The following TNIK variants were observed in gnomAD, a reference collection of about 807,000 sequenced individuals.
TNIK encodes TRAF2 and NCK-interacting protein kinase.
A neutral mutation model predicts 191.3 loss-of-function variants in TNIK; 49 were observed. That is an observed-to-expected ratio of 0.26 (90% CI 0.20 to 0.32). TNIK has a LOEUF of 0.32. Ranked by LOEUF, TNIK falls within the 10% of genes least tolerant of loss-of-function variation. The probability of loss-of-function intolerance (pLI) is 1.00; values close to 1 mark genes in which losing one functional copy is unlikely to be tolerated. For synonymous variants in TNIK, 594 were observed against 600.9 expected, an observed-to-expected ratio of 0.99 and a Z score of 0.17; for missense variants, 1,155 against 1,702.3, an observed-to-expected ratio of 0.68 and a Z score of 5.66.
At chr3:171,257,074 A>G (rs1291139886) in intron 2 of TNIK, among the ~76,000 whole-genome samples, 2 of 152,276 alleles carry the variant, frequency 1.3e-5, no homozygotes, top group African/African-American at 4.8e-5. Context: ...GCACAGAAAC[A>G]GGCCGAGAGA....
rs183649165 is a variant in TNIK at position 171,325,543 on chromosome 3, A to G, written c.123+44077T>C. Reference sequence around the variant, plus strand: ...TCTGTTATCTGAAATTCAAATGTTCATTCTTAATTCTAAATTCAACTTAAT... The same window carrying G: ...TCTGTTATCTGAAATTCAAATGTTCGTTCTTAATTCTAAATTCAACTTAAT... On this transcript the variant is annotated intron_variant, in intron 2 of 32. Transcript: ENST00000436636. 2.7e-3 allele frequency among the ~76,000 whole-genome samples: 407 copies of G among 152,292 alleles called. 3 individuals carry two copies. The highest frequency in any genetic ancestry group is 8.4e-3 in the African/African-American group (348 of 41,582).
At chr3:171,442,130 C>G (rs995549512) in intron 1 of TNIK, among the ~76,000 whole-genome samples, 1 of 152,184 alleles carries the variant, frequency 6.6e-6, no homozygotes, top group Non-Finnish European at 1.5e-5. Flanking sequence ...AACAAAATCT[C>G]CACAGGGACA....
rs553324509 is a variant in TNIK at position 171,179,426 on chromosome 3, C to T, written c.640-2046G>A. Among the ~76,000 whole-genome samples, 229 of 152,022 alleles carry T rather than the reference C, an allele frequency of 1.5e-3. 1 individual carries two copies. The highest frequency in any genetic ancestry group is 3.4e-3 in the Middle Eastern group (1 of 294). On this transcript the variant is annotated intron_variant, in intron 7 of 32. Transcript: ENST00000436636. ...GAGCAATAACTGGTAAAGACAAAAA[C>T]GCAGTTCTATTGTACCTGGGTTTTT...
intron 2 of TNIK, among the ~76,000 whole-genome samples, chr3:171,272,236 C>G (rs981210107): frequency 1.3e-5 from 2 of 152,218 alleles, no homozygotes; most frequent in Admixed American, 6.5e-5. Flanking sequence ...TTGGGACTAA[C>G]AAAGTCCTCC....
chr3:171,103,192 ATGCACATTTGCACATT>A lies in TNIK; in HGVS notation c.2407-1575_2407-1560del, dbSNP rs200434745. Among the ~76,000 whole-genome samples, 7 of 152,064 alleles carry A rather than the reference ATGCACATTTGCACATT, an allele frequency of 4.6e-5. No individual in the cohort carries two copies. In the South Asian group the frequency reaches 6.2e-4, roughly 14 times the overall value. ...ACACTTGGCTAGGGCTTTTGCACAC[ATGCACATTTGCACATT>A]TGCACATGCCTCAATCTCGGTGAAT... On this transcript the variant is annotated intron_variant, in intron 21 of 32. Coordinates refer to ENST00000436636, the MANE Select transcript of TNIK (RefSeq NM_015028.4).
At chr3:171,213,206 C>T (rs1270955213) in intron 3 of TNIK, among the ~76,000 whole-genome samples, 9 of 152,008 alleles carry the variant, frequency 5.9e-5, no homozygotes, top group Non-Finnish European at 1.5e-5. Flanking sequence ...CTATGGTGCA[C>T]ATTGGCTATT....
chr3:171,280,065 T>G (rs1750245770), intron 2 of TNIK, among the ~76,000 whole-genome samples: 1 of 152,218 alleles, frequency 6.6e-6, no homozygotes, highest in Non-Finnish European at 1.5e-5. Flanking sequence ...CTTTCCCATC[T>G]GGAATCTGTT....
intron 3 of TNIK, among the ~76,000 whole-genome samples, chr3:171,218,369 T>C (rs1038964120): frequency 1.3e-5 from 2 of 152,062 alleles, no homozygotes; most frequent in Middle Eastern, 3.2e-3. Flanking sequence ...AAACCACGAA[T>C]TAACAAGACC....
chr3:171,459,430 G>A (rs1438913325), intron 1 of TNIK, among the ~76,000 whole-genome samples: 2 of 152,206 alleles, frequency 1.3e-5, no homozygotes, highest in East Asian at 3.9e-4. Flanking sequence ...CGCTGAGAGG[G>A]CGCCCGGGCG....
At chr3:171,391,582 CT>C (rs1719514178) in intron 1 of TNIK, among the ~76,000 whole-genome samples, 1 of 152,222 alleles carries the variant, frequency 6.6e-6, no homozygotes, top group Admixed American at 6.5e-5. Context: ...ATAAGTACCC[CT>C]AGAAGTCCAA....
chr3:171,183,014 G>A (rs991794354), intron 7 of TNIK, among the ~76,000 whole-genome samples: 1 of 152,132 alleles, frequency 6.6e-6, no homozygotes, highest in African/African-American at 2.4e-5. Context: ...TGCTGCATTG[G>A]GTATTCAACG....
intron 2 of TNIK, among the ~76,000 whole-genome samples, chr3:171,367,004 G>A (rs1715817710): frequency 6.6e-6 from 1 of 152,230 alleles, no homozygotes; most frequent in Non-Finnish European, 1.5e-5. Context: ...AGGCAGAACT[G>A]TGAGTCAGTT....
At chr3:171,155,152 T>C (rs1733002565) in intron 12 of TNIK, among the ~76,000 whole-genome samples, 1 of 152,200 alleles carries the variant, frequency 6.6e-6, no homozygotes, top group Non-Finnish European at 1.5e-5. Flanking sequence ...AGTGAAATAC[T>C]CAAGCTGAAC....
intron 2 of TNIK, among the ~76,000 whole-genome samples, chr3:171,278,529 A>G (rs1750046468): frequency 6.6e-6 from 1 of 152,182 alleles, no homozygotes; most frequent in African/African-American, 2.4e-5. Flanking sequence ...AAAAAGCCAC[A>G]CTAGTCTGAA....
chr3:171,146,819 G>GGCGGAGGTT (rs1328695058), intron 12 of TNIK, among the ~76,000 whole-genome samples: 1 of 151,702 alleles, frequency 6.6e-6, no homozygotes, highest in Non-Finnish European at 1.5e-5. Context: ...GAACCCAGGA[G>GGCGGAGGTT]GCGGAGGTTG....
intron 1 of TNIK, among the ~76,000 whole-genome samples, chr3:171,450,136 T>C (rs1473685097): frequency 6.6e-6 from 1 of 152,122 alleles, no homozygotes; most frequent in Non-Finnish European, 1.5e-5. Flanking sequence ...CCCAGGAGTC[T>C]TCGTAGCTTC....
chr3:171,435,007 C>T (rs1725861922), intron 1 of TNIK, among the ~76,000 whole-genome samples: 1 of 152,106 alleles, frequency 6.6e-6, no homozygotes, highest in Non-Finnish European at 1.5e-5. Context: ...TGGAGTCAGG[C>T]CAGTTCCAGG....
At chr3:171,167,364 T>A in intron 9 of TNIK, 94 bp from the exon 10 acceptor site, 3 of 1,467,650 alleles carry the variant, frequency 2.0e-6, no homozygotes, top group Middle Eastern at 2.4e-4. Flanking sequence ...TTTCTTTTTT[T>A]AAGGTCCAAT....
intron 1 of TNIK, among the ~76,000 whole-genome samples, chr3:171,426,322 G>C (rs1000843772): frequency 6.8e-6 from 1 of 147,744 alleles, no homozygotes; most frequent in Non-Finnish European, 1.5e-5. Context: ...ACCAAACACC[G>C]CATGTTCTCA....
Sources: allele counts gnomAD v4.1 joint callset (sites outside exome capture counted in the v4.1 genomes callset), GRCh38; gene constraint gnomAD v4.1.1; transcripts MANE v1.5; gene names NCBI Gene and HGNC (gene_info 2026-07-23, HGNC 2026-07-21).